CD33: variants seen among roughly 807,000 people sequenced by gnomAD.
CD33 encodes myeloid cell surface antigen CD33.
A neutral mutation model predicts 31.4 loss-of-function variants in CD33; 25 were observed. That is an observed-to-expected ratio of 0.80 (90% CI 0.58 to 1.11). The LOEUF (loss-of-function observed/expected upper bound fraction) is 1.11. CD33 is among the 50% of genes most tolerant of loss of function. The probability of loss-of-function intolerance (pLI) is 0.00; values close to 1 mark genes in which losing one functional copy is unlikely to be tolerated. For missense variants in CD33, 407 were observed against 448.1 expected (o/e 0.91, Z 0.83); for synonymous variants, 176 against 180.6 (o/e 0.97, Z 0.20).
the CD33 span, among the ~76,000 whole-genome samples, chr19:51,220,043 A>G: frequency 5.9e-5 from 9 of 152,184 alleles, no homozygotes; most frequent in Non-Finnish European, 1.3e-4. Flanking sequence ...GCTTCATAGA[A>G]TGAGTCAGAG....
At chr19:51,235,065 G>T in intron 4 of CD33, 92 bp from the exon 5 acceptor site, 1 of 996,272 alleles carries the variant, frequency 1.0e-6, no homozygotes, top group East Asian at 2.4e-5. Flanking sequence ...CCATTTTGGA[G>T]GTGAAGTCAC....
At chr19:51,222,568 G>T (rs273640), upstream of CD33, among the ~76,000 whole-genome samples, 65,114 of 152,026 alleles carry the variant, frequency 0.43, 14,704 homozygotes, top group African/African-American at 0.55. Flanking sequence ...CACAAACAAC[G>T]TGGTTCAGTT....
rs1982056392 is a variant in CD33 at position 51,239,893 on chromosome 19, A to G, written c.*205A>G. 2 of 429,384 alleles carry G rather than the reference A, an allele frequency of 4.7e-6. No homozygotes were observed. Among genetic ancestry groups the G allele is most frequent in the South Asian group, 9.9e-5 (2 of 20,246 alleles). The allele number at this position is 429,384 out of a possible 1,614,324, so 26.6% of individuals were successfully genotyped here. A position where few individuals can be genotyped will look rare whatever the true frequency, so the allele number is the denominator to read the frequency against. ...CTGTGCTCTTTCATTTGCTAAGTGT[A>G]TGATGTCACACAAGCTCCTTAACCT... On this transcript the variant is annotated 3_prime_UTR_variant, in exon 7 of 7. Transcript: ENST00000262262.
intron 5 of CD33, 122 bp from the exon 6 acceptor site, chr19:51,235,472 CT>C: frequency 2.1e-6 from 3 of 1,459,656 alleles, no homozygotes; most frequent in Non-Finnish European, 2.7e-6. Flanking sequence ...GTGACTAAGT[CT>C]TGTTTGAGGG....
the CD33 span, among the ~76,000 whole-genome samples, chr19:51,218,721 C>T: frequency 6.6e-6 from 1 of 152,160 alleles, no homozygotes; most frequent in Admixed American, 6.5e-5. Flanking sequence ...AGATAGGGGT[C>T]CATTGCATTA....
intron 3 of CD33, 65 bp downstream of exon 3, chr19:51,226,146 G>GTCT: frequency 1.9e-6 from 3 of 1,580,586 alleles, no homozygotes; most frequent in Non-Finnish European, 1.7e-6. Context: ...GGCTGGTGCT[G>GTCT]GGGACATTTA....
intron 6 of CD33, chr19:51,235,920 AG>A (rs1981755994): frequency 2.1e-5 from 15 of 700,606 alleles, no homozygotes; most frequent in Admixed American, 6.0e-5. Flanking sequence ...GCACCTTTGG[AG>A]GCCAAGGCGG....
At chr19:51,238,953 T>G (rs1981985262) in intron 6 of CD33, 2 of 152,414 alleles carry the variant, frequency 1.3e-5, no homozygotes, top group Non-Finnish European at 1.5e-5. Flanking sequence ...TACCACACCA[T>G]GAGCTCCACA....
intron 4 of CD33, among the ~76,000 whole-genome samples, chr19:51,227,236 G>A (rs1338826502): frequency 6.6e-6 from 1 of 152,116 alleles, no homozygotes; most frequent in East Asian, 1.9e-4. Flanking sequence ...TAAATGCCCA[G>A]TAGTGGGGTT....
the CD33 span, among the ~76,000 whole-genome samples, chr19:51,213,129 A>G: frequency 6.6e-6 from 1 of 152,222 alleles, no homozygotes; most frequent in Admixed American, 6.5e-5. Flanking sequence ...GCAAGCTGAC[A>G]TTCCCAAAAG....
chr19:51,213,865 CTT>C, the CD33 span, among the ~76,000 whole-genome samples: 2 of 112,644 alleles, frequency 1.8e-5, no homozygotes, highest in Non-Finnish European at 1.9e-5. Context: ...TTTTTTTTTC[CTT>C]TTTTTTTTTT....
At chr19:51,222,918 G>A (rs1980752585), upstream of CD33, among the ~76,000 whole-genome samples, 1 of 152,094 alleles carries the variant, frequency 6.6e-6, no homozygotes, top group South Asian at 2.1e-4. Flanking sequence ...TGACTTTATT[G>A]TTAAAACTAA....
chr19:51,235,318 TC>T, intron 5 of CD33, 65 bp downstream of exon 5: 1 of 1,480,098 alleles, frequency 6.8e-7, no homozygotes, highest in South Asian at 1.1e-5. Flanking sequence ...TGTAGAAGGG[TC>T]CTGGAGGGGC....
chr19:51,219,004 T>TG, the CD33 span, among the ~76,000 whole-genome samples: 1 of 152,176 alleles, frequency 6.6e-6, no homozygotes, highest in African/African-American at 2.4e-5. Context: ...TTTGGTAATT[T>TG]GGGTTCTTTT....
At chr19:51,219,548 C>G in the CD33 span, among the ~76,000 whole-genome samples, 1 of 152,144 alleles carries the variant, frequency 6.6e-6, no homozygotes, top group East Asian at 1.9e-4. Context: ...CTAGATAGGA[C>G]TTTCAGTATC....
At chr19:51,223,804 G>A (rs1980805213), upstream of CD33, among the ~76,000 whole-genome samples, 1 of 152,246 alleles carries the variant, frequency 6.6e-6, no homozygotes, top group Non-Finnish European at 1.5e-5. Flanking sequence ...TAGGTGCCAG[G>A]GGAAAATTCT....
At chr19:51,213,839 T>C in the CD33 span, among the ~76,000 whole-genome samples, 20 of 149,070 alleles carry the variant, frequency 1.3e-4, no homozygotes. Flanking sequence ...CCCAGCCTCA[T>C]TTTTCTTTTT....
chr19:51,239,983 G>T lies in CD33; in HGVS notation c.*295G>T. 1 of 223,132 alleles carries T rather than the reference G, an allele frequency of 4.5e-6. No individual in the cohort carries two copies. The highest frequency in any genetic ancestry group is 8.7e-6 in the Non-Finnish European group (1 of 115,096). The allele number at this position is 223,132 out of a possible 1,614,324, so 13.8% of individuals were successfully genotyped here. Reference sequence around the variant, plus strand: ...AAGTCCTATCTCATAGGGATGCTGTGAGCATTAAATAAAGGTACACATGGA... The same window carrying T: ...AAGTCCTATCTCATAGGGATGCTGTTAGCATTAAATAAAGGTACACATGGA... On this transcript the variant is annotated 3_prime_UTR_variant, in exon 7 of 7. Coordinates refer to ENST00000262262, the MANE Select transcript of CD33 (RefSeq NM_001772.4).
At chr19:51,215,600 G>T in the CD33 span, among the ~76,000 whole-genome samples, 3 of 152,250 alleles carry the variant, frequency 2.0e-5, no homozygotes, top group East Asian at 5.8e-4. Context: ...CGTGCTGGAT[G>T]ACTTCTTTCT....
Sources: gnomAD v4.1 joint callset for allele counts (sites outside exome capture counted in the v4.1 genomes callset) on GRCh38, gnomAD v4.1.1 for gene constraint, MANE v1.5 for transcripts, NCBI Gene and HGNC (gene_info 2026-07-23, HGNC 2026-07-21) for gene names.